The following GALNT17 variants were observed in gnomAD, a reference collection of about 807,000 sequenced individuals.
GALNT17 encodes UDP-GalNAc:polypeptide N-acetylgalactosaminyltransferase-like 3.
Under a neutral mutation model 63.7 loss-of-function variants are expected in GALNT17, and 29 were observed. The observed-to-expected ratio is 0.46, with a 90% CI of 0.34 to 0.62. The LOEUF is 0.62. GALNT17 is among the 20% of genes least tolerant of loss of function. The probability of loss-of-function intolerance (pLI) is 0.01; values close to 1 mark genes in which losing one functional copy is unlikely to be tolerated. For missense variants in GALNT17, 603 were observed against 799.6 expected (o/e 0.75, Z 2.97); for synonymous variants, 305 against 318.3 (o/e 0.96, Z 0.45).
At chr7:71,249,461 G>T (rs893826426) in intron 1 of GALNT17, among the ~76,000 whole-genome samples, 1 of 152,138 alleles carries the variant, frequency 6.6e-6, no homozygotes, top group South Asian at 2.1e-4. Flanking sequence ...TAAATTATAT[G>T]TGTGGATTGC....
intron 5 of GALNT17, among the ~76,000 whole-genome samples, chr7:71,471,769 T>C (rs1243674589): frequency 6.6e-6 from 1 of 152,198 alleles, no homozygotes; most frequent in East Asian, 1.9e-4. Flanking sequence ...ACCATTTTTT[T>C]CCCATCAGAG....
At position 71,463,897 on chromosome 7, in the gene GALNT17, G is replaced by A. The variant is rs146991743; in HGVS notation, c.962+42792G>A. ...TTGGCAGGCTTCTTTACTGCAACCC[G>A]TTTTATCAGCAAGGTCTTTGTGACC... On this transcript the variant is annotated intron_variant, in intron 5 of 10. Transcript: ENST00000333538. Among the ~76,000 whole-genome samples, 464 of 152,236 alleles carry A rather than the reference G, an allele frequency of 3.0e-3. 4 individuals carry two copies. The highest frequency in any genetic ancestry group is 1.0e-2 in the African/African-American group (414 of 41,538).
At chr7:71,203,268 A>T (rs567613601) in intron 1 of GALNT17, among the ~76,000 whole-genome samples, 5 of 152,314 alleles carry the variant, frequency 3.3e-5, no homozygotes, top group African/African-American at 1.2e-4. Flanking sequence ...TTCCACCAAC[A>T]GCATACCAGG....
intron 2 of GALNT17, among the ~76,000 whole-genome samples, chr7:71,339,590 T>C (rs1791972674): frequency 6.6e-6 from 1 of 151,898 alleles, no homozygotes. Context: ...CTTGGGAGAC[T>C]GAGGCAGGAG....
intron 1 of GALNT17, among the ~76,000 whole-genome samples, chr7:71,224,344 A>G (rs1012064260): frequency 6.6e-6 from 1 of 152,194 alleles, no homozygotes; most frequent in Non-Finnish European, 1.5e-5. Flanking sequence ...CCTGGCCTCA[A>G]TACATTCTTC....
intron 5 of GALNT17, among the ~76,000 whole-genome samples, chr7:71,433,960 G>A (rs1477578159): frequency 1.3e-5 from 2 of 150,292 alleles, no homozygotes; most frequent in African/African-American, 4.9e-5. Context: ...AGGCAGGAAT[G>A]TGGAAGGACT....
chr7:71,677,944 G>T (rs575132513), intron 9 of GALNT17, among the ~76,000 whole-genome samples: 3 of 152,104 alleles, frequency 2.0e-5, no homozygotes, highest in African/African-American at 4.8e-5. Context: ...CCTAAGGTGG[G>T]TGAGCAATGC....
chr7:71,185,953 A>G (rs1788843704), intron 1 of GALNT17, among the ~76,000 whole-genome samples: 1 of 152,230 alleles, frequency 6.6e-6, no homozygotes, highest in African/African-American at 2.4e-5. Flanking sequence ...AAATGTTGGT[A>G]AGCTGTTAGT....
intron 2 of GALNT17, among the ~76,000 whole-genome samples, chr7:71,352,595 A>G (rs1792209168): frequency 1.3e-5 from 2 of 152,156 alleles, no homozygotes; most frequent in Admixed American, 1.3e-4. Context: ...TGGTTGAACA[A>G]TTTATGAATC....
At chr7:71,170,835 C>T (rs1236879198) in intron 1 of GALNT17, among the ~76,000 whole-genome samples, 3 of 152,110 alleles carry the variant, frequency 2.0e-5, no homozygotes, top group East Asian at 1.9e-4. Context: ...TGATTTCGAA[C>T]TTTGCTTTTT....
At chr7:71,347,133 G>T (rs890647430) in intron 2 of GALNT17, among the ~76,000 whole-genome samples, 1 of 152,128 alleles carries the variant, frequency 6.6e-6, no homozygotes, top group Non-Finnish European at 1.5e-5. Flanking sequence ...TATGATTCCT[G>T]CAGTACTTAT....
At chr7:71,363,467 C>T (rs1000828537) in intron 2 of GALNT17, among the ~76,000 whole-genome samples, 4 of 152,180 alleles carry the variant, frequency 2.6e-5, no homozygotes, top group Admixed American at 1.3e-4. Flanking sequence ...CAATGCCAGC[C>T]GCCAGTTTGG....
chr7:71,483,692 C>G (rs1583992507), intron 5 of GALNT17, among the ~76,000 whole-genome samples: 1 of 151,856 alleles, frequency 6.6e-6, no homozygotes, highest in East Asian at 1.9e-4. Flanking sequence ...TTTAAAATCC[C>G]TTCTTCAGTG....
intron 3 of GALNT17, among the ~76,000 whole-genome samples, chr7:71,402,789 G>A (rs1309437392): frequency 4.7e-5 from 7 of 150,290 alleles, no homozygotes; most frequent in Non-Finnish European, 8.8e-5. Context: ...GTTTATAATT[G>A]CAGAGATGGG....
intron 1 of GALNT17, among the ~76,000 whole-genome samples, chr7:71,145,879 T>C (rs1472825928): frequency 6.6e-6 from 1 of 152,154 alleles, no homozygotes; most frequent in African/African-American, 2.4e-5. Flanking sequence ...CTAATTTTTG[T>C]ATTTTTAGTA....
intron 1 of GALNT17, among the ~76,000 whole-genome samples, chr7:71,198,798 T>C (rs1789105609): frequency 6.6e-6 from 1 of 152,170 alleles, no homozygotes; most frequent in Admixed American, 6.5e-5. Context: ...TGTATTTTGC[T>C]CCTCTCTCTC....
chr7:71,329,969 A>T (rs1791777880), intron 1 of GALNT17, among the ~76,000 whole-genome samples: 1 of 109,100 alleles, frequency 9.2e-6, no homozygotes, highest in African/African-American at 3.5e-5. Flanking sequence ...GTATATATAT[A>T]CGTATATGTG....
intron 2 of GALNT17, among the ~76,000 whole-genome samples, chr7:71,371,424 A>C (rs145560470): frequency 0.011 from 1,679 of 151,674 alleles, 31 homozygotes; most frequent in African/African-American, 0.037. Context: ...TGTTTTTATA[A>C]GTTTGTTAGC....
At chr7:71,654,125 C>G (rs765340834) in intron 6 of GALNT17, among the ~76,000 whole-genome samples, 1 of 152,242 alleles carries the variant, frequency 6.6e-6, no homozygotes, top group African/African-American at 2.4e-5. Context: ...AAGCTATTCT[C>G]CTGCCTCAGC....
Sources: gnomAD v4.1 joint callset for allele counts (sites outside exome capture counted in the v4.1 genomes callset) on GRCh38, gnomAD v4.1.1 for gene constraint, MANE v1.5 for transcripts, NCBI Gene and HGNC (gene_info 2026-07-23, HGNC 2026-07-21) for gene names.